The following PARVA variants were observed in gnomAD, a reference collection of about 807,000 sequenced individuals.
PARVA encodes the protein alpha-parvin.
PARVA carries 25 observed loss-of-function variants against 52.6 expected under a neutral mutation model. The ratio of observed to expected loss-of-function variants is 0.48; its 90% CI spans 0.35 to 0.66. PARVA has a LOEUF of 0.66. Ranked by LOEUF, PARVA falls within the 30% of genes least tolerant of loss-of-function variation. The pLI, the probability that PARVA is intolerant of heterozygous loss-of-function variation, is 0.01. For missense variants in PARVA, 373 were observed against 450.9 expected, an observed-to-expected ratio of 0.83 and a Z score of 1.56; for synonymous variants, 185 against 179.1, an observed-to-expected ratio of 1.03 and a Z score of -0.26.
chr11:12,448,284 T>C (rs751446946), intron 1 of PARVA, among the ~76,000 whole-genome samples: 1 of 152,124 alleles, frequency 6.6e-6, no homozygotes, highest in Non-Finnish European at 1.5e-5. Flanking sequence ...TGCACGCTAA[T>C]GGGGAAGATG....
At chr11:12,450,267 T>C (rs2135013541) in intron 1 of PARVA, among the ~76,000 whole-genome samples, 1 of 152,346 alleles carries the variant, frequency 6.6e-6, no homozygotes, top group East Asian at 1.9e-4. Flanking sequence ...CCCCATGGAA[T>C]AGATATTCTC....
chr11:12,492,499 G>A (rs772671686), intron 4 of PARVA, among the ~76,000 whole-genome samples: 2 of 152,136 alleles, frequency 1.3e-5, no homozygotes, highest in Non-Finnish European at 2.9e-5. Flanking sequence ...TAAATCCTTA[G>A]TAATGTTGAG....
At chr11:12,394,564 C>G (rs183586820) in intron 1 of PARVA, among the ~76,000 whole-genome samples, 1 of 152,156 alleles carries the variant, frequency 6.6e-6, no homozygotes, top group African/African-American at 2.4e-5. Flanking sequence ...GTGTAGGGGT[C>G]AAGGTAAAGA....
In PARVA at chr11:12,378,067, G is replaced by A. The variant is rs1431180671; in HGVS notation, c.136+284G>A. ...CAGGCCAACGCCCCCGCCGGGCCGT[G>A]GGCGGGCGCCGCTTGGCGGCCGGAG... On this transcript the variant is annotated intron_variant, in intron 1 of 12. Transcript: ENST00000334956. 8.0e-5 allele frequency among the ~76,000 whole-genome samples: 12 copies of A among 150,818 alleles called. No homozygotes were observed. The East Asian group carries it at 1.8e-3, about 22-fold the overall frequency.
chr11:12,497,398 G>A (rs762964075), intron 5 of PARVA, among the ~76,000 whole-genome samples: 31 of 152,106 alleles, frequency 2.0e-4, no homozygotes, highest in Middle Eastern at 6.8e-3. Context: ...GCTTTATTGC[G>A]TCTAACTTAC....
At chr11:12,396,906 C>CTCCTTTCCTT (rs1555030682) in intron 1 of PARVA, among the ~76,000 whole-genome samples, 6 of 148,720 alleles carry the variant, frequency 4.0e-5, no homozygotes, top group South Asian at 2.1e-4. Flanking sequence ...TTCTTCCTTT[C>CTCCTTTCCTT]TCCTTTCCTT....
At chr11:12,475,037 T>TCTCAG (rs1940990073) in intron 3 of PARVA, among the ~76,000 whole-genome samples, 1 of 151,626 alleles carries the variant, frequency 6.6e-6, no homozygotes, top group Non-Finnish European at 1.5e-5. Flanking sequence ...GTGCAAGACC[T>TCTCAG]CTCAGAGTTT....
intron 1 of PARVA, among the ~76,000 whole-genome samples, chr11:12,433,364 C>A (rs1246747838): frequency 2.0e-5 from 3 of 152,196 alleles, no homozygotes; most frequent in Non-Finnish European, 4.4e-5. Context: ...TGGTTCTTCA[C>A]TGGTATCAGC....
chr11:12,386,258 C>T (rs188693870), intron 1 of PARVA, among the ~76,000 whole-genome samples: 3 of 152,296 alleles, frequency 2.0e-5, no homozygotes, highest in Admixed American at 6.5e-5. Flanking sequence ...CTCTATTTCC[C>T]TTCCAATAAA....
In PARVA at chr11:12,533,027, C is replaced by T. The variant is rs184219090; in HGVS notation, c.*5102C>T. ...GGTCCTGGCTGGGGAGCGGAGGAGA[C>T]CAGGAGAGGAGATCAGACCTCTGCC... On this transcript the variant is annotated 3_prime_UTR_variant, in exon 13 of 13. Transcript: ENST00000334956. Among the ~76,000 whole-genome samples the T allele has an allele frequency of 6.6e-6, 1 of 152,152 alleles. No homozygotes were observed. The highest frequency in any genetic ancestry group is 1.5e-5 in the Non-Finnish European group (1 of 68,024).
rs1157012002 is a variant in PARVA at position 12,419,426 on chromosome 11, G to A, written c.136+41643G>A. On this transcript the variant is annotated intron_variant, in intron 1 of 12. Transcript: ENST00000334956. ...CAGTATAATGTCCAGAGCTATATCT[G>A]TGTTGTAGCATGTGTCAGAATATTC... Among the ~76,000 whole-genome samples, 8 of 150,838 alleles carry A rather than the reference G, an allele frequency of 5.3e-5. No individual in the cohort carries two copies. In the East Asian group the frequency reaches 1.5e-3, roughly 29 times the overall value.
intron 1 of PARVA, among the ~76,000 whole-genome samples, chr11:12,392,950 C>T (rs1219904920): frequency 1.4e-5 from 2 of 147,730 alleles, no homozygotes; most frequent in Non-Finnish European, 3.0e-5. Context: ...TGAAATATTT[C>T]CTGTGAAGAA....
At chr11:12,506,309 A>G (rs1256766116) in intron 6 of PARVA, among the ~76,000 whole-genome samples, 1 of 152,216 alleles carries the variant, frequency 6.6e-6, no homozygotes, top group African/African-American at 2.4e-5. Flanking sequence ...ATTCATTTAT[A>G]ATAGCTCTCT....
At chr11:12,408,178 A>C (rs897366712) in intron 1 of PARVA, among the ~76,000 whole-genome samples, 1 of 150,730 alleles carries the variant, frequency 6.6e-6, no homozygotes, top group African/African-American at 2.5e-5. Context: ...AAATCCAGCC[A>C]CTGAGACCCC....
chr11:12,490,684 C>T (rs1473196186), intron 4 of PARVA, among the ~76,000 whole-genome samples: 1 of 152,034 alleles, frequency 6.6e-6, no homozygotes, highest in Non-Finnish European at 1.5e-5. Context: ...CAAAGATTAT[C>T]ATGGTGGGTA....
At chr11:12,487,845 T>G (rs1280617191) in intron 4 of PARVA, among the ~76,000 whole-genome samples, 1 of 152,214 alleles carries the variant, frequency 6.6e-6, no homozygotes, top group Non-Finnish European at 1.5e-5. Flanking sequence ...ACAATGTTTG[T>G]ATGCATAGAA....
At chr11:12,387,552 A>AGC (rs1277939297) in intron 1 of PARVA, among the ~76,000 whole-genome samples, 1 of 67,652 alleles carries the variant, frequency 1.5e-5, no homozygotes. Context: ...TCTATTTTTG[A>AGC]GCGTGTGTGT....
At chr11:12,524,997 G>A (rs1357719442) in intron 12 of PARVA, among the ~76,000 whole-genome samples, 1 of 152,200 alleles carries the variant, frequency 6.6e-6, no homozygotes, top group Non-Finnish European at 1.5e-5. Flanking sequence ...GAGGTCTGCA[G>A]GAGGACCTAG....
At chr11:12,393,044 G>GAAAAAAAAAAAAAAAAAAAAA (rs60966710) in intron 1 of PARVA, among the ~76,000 whole-genome samples, 1 of 46,132 alleles carries the variant, frequency 2.2e-5, no homozygotes, top group African/African-American at 5.9e-5. Flanking sequence ...CCCAAATTGT[G>GAAAAAAAAAAAAAAAAAAAAA]AAAAAAAAAA....
Sources: gnomAD v4.1 joint callset for allele counts (sites outside exome capture counted in the v4.1 genomes callset) on GRCh38, gnomAD v4.1.1 for gene constraint, MANE v1.5 for transcripts, NCBI Gene and HGNC (gene_info 2026-07-23, HGNC 2026-07-21) for gene names.